The following ZNF804B variants were observed in gnomAD, a reference collection of about 807,000 sequenced individuals.
ZNF804B encodes zinc finger 804B.
Under a neutral mutation model 101.4 loss-of-function variants are expected in ZNF804B, and 80 were observed. The observed-to-expected ratio is 0.79, with a 90% CI of 0.66 to 0.95. The LOEUF (loss-of-function observed/expected upper bound fraction) is 0.95. Ranked by LOEUF, ZNF804B falls within the 40% of genes least tolerant of loss-of-function variation. ZNF804B has a pLI of 0.00. For synonymous variants in ZNF804B, 622 were observed against 558.8 expected (o/e 1.11, Z -1.59); for missense variants, 1,673 against 1,561.9 (o/e 1.07, Z -1.20).
At chr7:88,909,506 A>G (rs994375987) in intron 1 of ZNF804B, among the ~76,000 whole-genome samples, 7 of 151,812 alleles carry the variant, frequency 4.6e-5, no homozygotes, top group Non-Finnish European at 1.0e-4. Flanking sequence ...TTCTTCTCCT[A>G]AAATTACAGA....
intron 1 of ZNF804B, among the ~76,000 whole-genome samples, chr7:89,162,730 T>G (rs1382166595): frequency 2.0e-5 from 3 of 151,134 alleles, no homozygotes; most frequent in African/African-American, 7.3e-5. Context: ...TGTATACATG[T>G]GCCATGCTGG....
chr7:89,216,533 T>C (rs920445100), intron 1 of ZNF804B, among the ~76,000 whole-genome samples: 1 of 152,192 alleles, frequency 6.6e-6, no homozygotes, highest in Admixed American at 6.5e-5. Context: ...GTCCACTAAT[T>C]TTTTATATCC....
intron 2 of ZNF804B, among the ~76,000 whole-genome samples, chr7:89,276,823 C>A (rs987175268): frequency 1.3e-5 from 2 of 151,664 alleles, no homozygotes; most frequent in Non-Finnish European, 2.9e-5. Context: ...CTTAGTATGA[C>A]TCTAGAGGTA....
intron 1 of ZNF804B, among the ~76,000 whole-genome samples, chr7:88,912,015 T>C (rs1311457048): frequency 6.6e-6 from 1 of 151,964 alleles, no homozygotes; most frequent in Non-Finnish European, 1.5e-5. Context: ...CTTATCCATT[T>C]TCCTGTCACA....
chr7:89,255,917 G>T (rs1789625447), intron 2 of ZNF804B, among the ~76,000 whole-genome samples: 1 of 151,974 alleles, frequency 6.6e-6, no homozygotes, highest in Non-Finnish European at 1.5e-5. Context: ...AATATAAATT[G>T]CTCATAATTT....
At chr7:88,763,874 T>C (rs1789938935) in intron 1 of ZNF804B, among the ~76,000 whole-genome samples, 2 of 152,148 alleles carry the variant, frequency 1.3e-5, no homozygotes, top group Non-Finnish European at 2.9e-5. Context: ...TGGTAAAACT[T>C]TGTTTTAATA....
At chr7:89,121,424 T>C (rs1488159689) in intron 1 of ZNF804B, among the ~76,000 whole-genome samples, 1 of 152,086 alleles carries the variant, frequency 6.6e-6, no homozygotes, top group East Asian at 1.9e-4. Flanking sequence ...TTTTCATTAA[T>C]AGCCATGGAA....
At chr7:89,320,691 A>C (rs149279082) in intron 2 of ZNF804B, among the ~76,000 whole-genome samples, 1 of 152,272 alleles carries the variant, frequency 6.6e-6, no homozygotes, top group African/African-American at 2.4e-5. Context: ...CTAAAAGGAC[A>C]GATATAATGA....
intron 1 of ZNF804B, among the ~76,000 whole-genome samples, chr7:89,132,815 T>C (rs1000180338): frequency 2.0e-5 from 3 of 152,002 alleles, no homozygotes; most frequent in Non-Finnish European, 4.4e-5. Flanking sequence ...AACTGAGCAA[T>C]AGACCCTAGG....
At chr7:88,851,499 A>G (rs915899422) in intron 1 of ZNF804B, among the ~76,000 whole-genome samples, 2 of 152,092 alleles carry the variant, frequency 1.3e-5, no homozygotes, top group Non-Finnish European at 2.9e-5. Flanking sequence ...GAAACAAAGA[A>G]ACCATAATCT....
chr7:89,005,746 A>G (rs1788362194), intron 1 of ZNF804B, among the ~76,000 whole-genome samples: 1 of 152,096 alleles, frequency 6.6e-6, no homozygotes, highest in South Asian at 2.1e-4. Context: ...AGTGTTTCCA[A>G]ACACAACACT....
intron 2 of ZNF804B, among the ~76,000 whole-genome samples, chr7:89,269,745 T>A (rs1180519492): frequency 6.6e-6 from 1 of 152,162 alleles, no homozygotes; most frequent in African/African-American, 2.4e-5. Context: ...GACTTTGTAA[T>A]GATCACCATT....
intron 1 of ZNF804B, among the ~76,000 whole-genome samples, chr7:89,122,061 G>A (rs910070101): frequency 2.0e-5 from 3 of 151,392 alleles, no homozygotes; most frequent in Non-Finnish European, 4.4e-5. Flanking sequence ...GTTAAATTAT[G>A]TGTAAAGTAA....
chr7:89,050,384 G>A (rs1789180946), intron 1 of ZNF804B, among the ~76,000 whole-genome samples: 1 of 152,114 alleles, frequency 6.6e-6, no homozygotes, highest in South Asian at 2.1e-4. Flanking sequence ...GATTCCTCCT[G>A]TAATAAAGTC....
chr7:89,247,955 C>T (rs1398516226), intron 2 of ZNF804B, among the ~76,000 whole-genome samples: 14 of 152,096 alleles, frequency 9.2e-5, no homozygotes, highest in Admixed American at 8.5e-4. Flanking sequence ...TTTCAAAATA[C>T]AATGGAAAGC....
At chr7:89,118,626 T>C (rs182835663) in intron 1 of ZNF804B, among the ~76,000 whole-genome samples, 189 of 152,302 alleles carry the variant, frequency 1.2e-3, no homozygotes, top group African/African-American at 4.4e-3. Flanking sequence ...ATACTTTTAA[T>C]GTTATTAAAT....
intron 1 of ZNF804B, among the ~76,000 whole-genome samples, chr7:89,098,413 C>T (rs949302887): frequency 2.0e-5 from 3 of 151,850 alleles, no homozygotes; most frequent in African/African-American, 2.4e-5. Flanking sequence ...TCTTGGATTG[C>T]AGGTGCGTGC....
chr7:89,218,718 A>T (rs555463609), intron 2 of ZNF804B, among the ~76,000 whole-genome samples: 3 of 152,288 alleles, frequency 2.0e-5, no homozygotes, highest in Admixed American at 1.3e-4. Flanking sequence ...CCATTAATGC[A>T]TGTTTTATAT....
chr7:88,954,561 C>A (rs1562842792), intron 1 of ZNF804B, among the ~76,000 whole-genome samples: 1 of 150,462 alleles, frequency 6.6e-6, no homozygotes, highest in African/African-American at 2.5e-5. Context: ...ACATGCCCCC[C>A]CCCCACCACG....
Sources: allele counts gnomAD v4.1 joint callset (sites outside exome capture counted in the v4.1 genomes callset), GRCh38; gene constraint gnomAD v4.1.1; transcripts MANE v1.5; gene names NCBI Gene and HGNC (gene_info 2026-07-23, HGNC 2026-07-21).